The following RCAN1 variants were observed in gnomAD, a reference collection of about 807,000 sequenced individuals.
RCAN1 encodes calcipressin-1.
In RCAN1, 11 loss-of-function variants were observed where a neutral mutation model predicts 22.9. That is an observed-to-expected ratio of 0.48 (90% CI 0.30 to 0.79). The LOEUF is 0.79. Among genes scored for constraint, RCAN1 ranks in the 30% least tolerant of loss-of-function variants. RCAN1 has a pLI of 0.06. For synonymous variants in RCAN1, 136 were observed against 142.3 expected, an observed-to-expected ratio of 0.96 and a Z score of 0.32; for missense variants, 291 against 337.8, an observed-to-expected ratio of 0.86 and a Z score of 1.09.
intron 1 of RCAN1, among the ~76,000 whole-genome samples, chr21:34,525,827 G>C (rs1427030604): frequency 6.6e-6 from 1 of 152,116 alleles, no homozygotes. Context: ...CATAGAATGT[G>C]CTCTGCAATC....
chr21:34,536,408 G>A (rs903414016), intron 1 of RCAN1, among the ~76,000 whole-genome samples: 2 of 152,222 alleles, frequency 1.3e-5, no homozygotes, highest in African/African-American at 4.8e-5. Context: ...TCACCCAGGA[G>A]TGGGCTGGCT....
At chr21:34,526,012 T>C (rs1318445543) in intron 1 of RCAN1, among the ~76,000 whole-genome samples, 3 of 152,228 alleles carry the variant, frequency 2.0e-5, no homozygotes, top group African/African-American at 7.2e-5. Flanking sequence ...GATTCATTCC[T>C]ATACAGTATT....
chr21:34,589,942 T>C (rs1350932708), intron 1 of RCAN1, among the ~76,000 whole-genome samples: 1 of 150,938 alleles, frequency 6.6e-6, no homozygotes, highest in Non-Finnish European at 1.5e-5. Context: ...TATATACACA[T>C]CTACCGCTAT....
chr21:34,526,943 C>A, intron 1 of RCAN1: 1 of 1,395,012 alleles, frequency 7.2e-7, no homozygotes, highest in Non-Finnish European at 9.2e-7. Context: ...GAGTCAAGTC[C>A]TGCATGCTTG....
At position 34,525,450 on chromosome 21, in the gene RCAN1, G is replaced by T. The variant is rs545505156; in HGVS notation, c.253-1740C>A. ...CTCACTCTTTTTCCCCACCTCTCTT[G>T]AGCACGGGCAAGTTTCTGGCAAAAG... On this transcript the variant is annotated intron_variant, in intron 1 of 3. Coordinates refer to ENST00000313806, the MANE Select transcript of RCAN1 (RefSeq NM_004414.7). 4.4e-6 allele frequency: 6 copies of T among 1,370,130 alleles called. No individual in the cohort carries two copies. In the South Asian group the frequency reaches 8.7e-5, roughly 20 times the overall value. 84.9% of individuals were successfully genotyped at this position (1,370,130 alleles called of 1,614,324 possible). A position where few individuals can be genotyped will look rare whatever the true frequency, so the allele number is the denominator to read the frequency against.
At chr21:34,597,817 G>A (rs1033845572) in intron 1 of RCAN1, among the ~76,000 whole-genome samples, 3 of 152,122 alleles carry the variant, frequency 2.0e-5, no homozygotes, top group Admixed American at 6.5e-5. Context: ...AATAGTCAAA[G>A]GCTTTAGCAC....
intron 1 of RCAN1, among the ~76,000 whole-genome samples, chr21:34,570,968 T>C (rs547378535): frequency 2.4e-4 from 36 of 152,174 alleles, no homozygotes; most frequent in African/African-American, 8.2e-4. Context: ...GTAAAAAGGA[T>C]CTGTTCTTAG....
At chr21:34,563,769 A>AT (rs1568911234) in intron 1 of RCAN1, among the ~76,000 whole-genome samples, 115 of 84,760 alleles carry the variant, frequency 1.4e-3, no homozygotes, top group African/African-American at 4.4e-3. Context: ...AAAAAAAAAA[A>AT]AATATATATA....
chr21:34,532,916 AT>A (rs1416223150), intron 1 of RCAN1, among the ~76,000 whole-genome samples: 1 of 151,988 alleles, frequency 6.6e-6, no homozygotes, highest in Admixed American at 6.6e-5. Flanking sequence ...TTAAACAAAT[AT>A]TTTTAAAATT....
intron 1 of RCAN1, among the ~76,000 whole-genome samples, chr21:34,580,044 A>C (rs1223744895): frequency 1.3e-5 from 2 of 152,224 alleles, no homozygotes. Context: ...AACAGAGGGG[A>C]AAGTGTCACA....
chr21:34,526,666 G>A lies in RCAN1; in HGVS notation c.253-2956C>T, dbSNP rs780161133. 25 of 1,612,852 alleles carry A rather than the reference G, an allele frequency of 1.6e-5. 2 individuals carry two copies. The South Asian group carries it at 2.6e-4, about 17-fold the overall frequency. The stretch of plus-strand genomic sequence containing the variant: ...CACGTTATATTAGAAGCCTTACCCT[G>A]GTTTCACTTTCGCTGAAGATATCAC... On this transcript the variant is annotated intron_variant, in intron 1 of 3. Transcript: ENST00000313806.
Position 34,518,302 on chromosome 21 carries a change from G to A in RCAN1, c.587-46C>T. 6.3e-7 allele frequency: 1 copy of A among 1,594,786 alleles called. No homozygotes were observed. Among genetic ancestry groups the A allele is most frequent in the African/African-American group, 1.3e-5 (1 of 74,634 alleles). On this transcript the variant is annotated intron_variant, in intron 3 of 3. Transcript: ENST00000313806. This position sits in a 1 kb window ranked among gnomAD's most constrained non-coding sequence, Gnocchi z 4.2. ...CAGGGTCACTCAGACAAGTCCTTGG[G>A]AGTCAAAAGGCAAACATAAAAGAGC... is the stretch of plus-strand genomic sequence containing the variant.
At chr21:34,584,598 A>G (rs1187716936) in intron 1 of RCAN1, among the ~76,000 whole-genome samples, 1 of 152,246 alleles carries the variant, frequency 6.6e-6, no homozygotes, top group Non-Finnish European at 1.5e-5. Flanking sequence ...TGATAGTAAC[A>G]CCTATTGAGG....
chr21:34,554,806 C>T (rs1986494851), intron 1 of RCAN1, among the ~76,000 whole-genome samples: 2 of 152,184 alleles, frequency 1.3e-5, no homozygotes, highest in African/African-American at 4.8e-5. Flanking sequence ...GCATCACTAT[C>T]ATGGTGGAAG....
At chr21:34,528,035 A>AT (rs955938926) in intron 1 of RCAN1, among the ~76,000 whole-genome samples, 52 of 152,150 alleles carry the variant, frequency 3.4e-4, no homozygotes, top group African/African-American at 1.2e-3. Context: ...TTAGATCCCT[A>AT]TGGCAGCCTG....
intron 1 of RCAN1, among the ~76,000 whole-genome samples, chr21:34,578,646 G>C (rs1252507291): frequency 6.6e-6 from 1 of 152,200 alleles, no homozygotes; most frequent in Non-Finnish European, 1.5e-5. Context: ...GGGAGGAAGA[G>C]AGGCTTTGCA....
At chr21:34,613,919 A>T in intron 1 of RCAN1, 2 of 1,286,412 alleles carry the variant, frequency 1.6e-6, no homozygotes, top group Non-Finnish European at 2.1e-6. Context: ...CTAATGGGGC[A>T]TCTCTCAAAG....
chr21:34,600,964 G>T (rs1988318327), intron 1 of RCAN1, among the ~76,000 whole-genome samples: 2 of 152,178 alleles, frequency 1.3e-5, no homozygotes, highest in African/African-American at 4.8e-5. Context: ...ACACATGCAT[G>T]CAGGCACACA....
chr21:34,521,063 G>A, intron 3 of RCAN1: 1 of 1,215,774 alleles, frequency 8.2e-7, no homozygotes, highest in South Asian at 3.3e-5. Context: ...AAGAAGGCCA[G>A]GTGAGAATCA....
Sources: allele counts gnomAD v4.1 joint callset (sites outside exome capture counted in the v4.1 genomes callset), GRCh38; gene constraint gnomAD v4.1.1; non-coding constraint Gnocchi (gnomAD v3.1); transcripts MANE v1.5; gene names NCBI Gene and HGNC (gene_info 2026-07-23, HGNC 2026-07-21).